CDH2: variants seen among roughly 807,000 people sequenced by gnomAD.
CDH2 encodes the protein cadherin-2.
A neutral mutation model predicts 92.0 loss-of-function variants in CDH2; 17 were observed. That is an observed-to-expected ratio of 0.18 (90% confidence interval 0.13 to 0.28). The LOEUF (loss-of-function observed/expected upper bound fraction) is 0.28. CDH2 is among the 10% of genes least tolerant of loss of function. CDH2 has a pLI of 1.00. For missense variants in CDH2, 862 were observed against 1,133.1 expected (o/e 0.76, Z 3.44); for synonymous variants, 419 against 415.9 (o/e 1.01, Z -0.09).
chr18:28,149,142 C>G (rs1344719281), intron 1 of CDH2, among the ~76,000 whole-genome samples: 1 of 152,076 alleles, frequency 6.6e-6, no homozygotes, highest in African/African-American at 2.4e-5. Context: ...TATATTTTGG[C>G]AAACTCTAGT....
intron 14 of CDH2, among the ~76,000 whole-genome samples, chr18:27,969,031 G>A (rs781771834): frequency 2.9e-4 from 44 of 152,222 alleles, no homozygotes; most frequent in Non-Finnish European, 5.6e-4. Context: ...AAATATACCC[G>A]TGCAAGCTTT....
At chr18:28,018,451 T>C (rs2144049972) in intron 2 of CDH2, among the ~76,000 whole-genome samples, 1 of 151,892 alleles carries the variant, frequency 6.6e-6, no homozygotes, top group Non-Finnish European at 1.5e-5. Context: ...CTAAGCAAAA[T>C]GAACAAATCT....
intron 2 of CDH2, among the ~76,000 whole-genome samples, chr18:28,057,784 G>A (rs1467334039): frequency 6.6e-6 from 1 of 152,148 alleles, no homozygotes; most frequent in Non-Finnish European, 1.5e-5. Flanking sequence ...AATCGAAGTT[G>A]GTATTTAAGA....
At chr18:28,023,252 C>G (rs2013458479) in intron 2 of CDH2, among the ~76,000 whole-genome samples, 1 of 152,190 alleles carries the variant, frequency 6.6e-6, no homozygotes, top group South Asian at 2.1e-4. Context: ...ATGTTTACAC[C>G]TTCATATCAT....
At chr18:28,018,873 TTATATA>T (rs56721321) in intron 2 of CDH2, among the ~76,000 whole-genome samples, 9 of 146,290 alleles carry the variant, frequency 6.2e-5, no homozygotes, top group African/African-American at 2.0e-4. Flanking sequence ...GCACACACGT[TTATATA>T]TATATATATA....
chr18:28,083,721 G>A (rs1341062171), intron 2 of CDH2, among the ~76,000 whole-genome samples: 1 of 152,114 alleles, frequency 6.6e-6, no homozygotes, highest in Non-Finnish European at 1.5e-5. Context: ...GGATTTTAAG[G>A]TCGATTGAAA....
rs199937130 is a variant in CDH2, at chr18:27,983,051, G to T, written c.2242C>A (p.Arg748Ser). ...TTGGCCTGGCGTTCTTTATCCCGGC[G>T]TTTCATCCATACCACAAACATCAGC... ...LVLMFVVWMK[R>S]RDKERQAKQL... Residue 748 changes from arginine to serine, a missense_variant, in exon 14 of 16, where the codon CGC becomes AGC. Transcript: ENST00000269141. The T allele has an allele frequency of 6.2e-7, 1 of 1,612,298 alleles. No individual in the cohort carries two copies. The highest frequency in any genetic ancestry group is 8.5e-7 in the Non-Finnish European group (1 of 1,178,800).
intron 6 of CDH2, among the ~76,000 whole-genome samples, chr18:27,940,896 G>T (rs1047727949): frequency 1.3e-5 from 2 of 152,036 alleles, no homozygotes; most frequent in Non-Finnish European, 2.9e-5. Context: ...TGGAACAAAA[G>T]AACAAATGAA....
chr18:28,122,050 C>A (rs1598490147), intron 2 of CDH2, among the ~76,000 whole-genome samples: 1 of 152,020 alleles, frequency 6.6e-6, no homozygotes, highest in Non-Finnish European at 1.5e-5. Flanking sequence ...TGGTGGTACT[C>A]GCATTCTTCT....
intron 2 of CDH2, among the ~76,000 whole-genome samples, chr18:28,132,379 TTC>T (rs1183518095): frequency 6.6e-6 from 1 of 152,224 alleles, no homozygotes; most frequent in Non-Finnish European, 1.5e-5. Context: ...GTTTCTTTCC[TTC>T]TCTCCACTCT....
intron 2 of CDH2, among the ~76,000 whole-genome samples, chr18:28,048,511 T>C (rs531788074): frequency 3.9e-5 from 6 of 152,336 alleles, no homozygotes; most frequent in African/African-American, 1.4e-4. Context: ...CTGTATTCGA[T>C]ACGTTTTTGA....
chr18:27,958,229 C>T (rs1002835978), intron 15 of CDH2, among the ~76,000 whole-genome samples: 2 of 151,916 alleles, frequency 1.3e-5, no homozygotes, highest in African/African-American at 2.4e-5. Context: ...TTCTATAAGA[C>T]CATAATGAGA....
chr18:28,123,268 G>T (rs899391893), intron 2 of CDH2, among the ~76,000 whole-genome samples: 2 of 152,124 alleles, frequency 1.3e-5, no homozygotes, highest in Admixed American at 1.3e-4. Context: ...GCATACAAAT[G>T]TATCTGTAGT....
intron 2 of CDH2, among the ~76,000 whole-genome samples, chr18:28,096,236 G>A (rs904634641): frequency 5.3e-5 from 8 of 152,184 alleles, no homozygotes; most frequent in Admixed American, 6.5e-5. Context: ...CTGTGACAAA[G>A]GAAAGGCTTT....
intron 1 of CDH2, among the ~76,000 whole-genome samples, chr18:28,167,589 CAAAT>C (rs1394194561): frequency 6.6e-6 from 1 of 152,000 alleles, no homozygotes; most frequent in Non-Finnish European, 1.5e-5. Context: ...TGTTGGAAGT[CAAAT>C]AAATAGTTAC....
chr18:28,161,541 C>T (rs1429651479), intron 1 of CDH2, among the ~76,000 whole-genome samples: 2 of 147,868 alleles, frequency 1.4e-5, no homozygotes, highest in Non-Finnish European at 3.0e-5. Context: ...GACTGCATCA[C>T]TGCACTCCAG....
intron 2 of CDH2, among the ~76,000 whole-genome samples, chr18:28,137,673 A>G (rs1301167608): frequency 6.6e-6 from 1 of 152,112 alleles, no homozygotes; most frequent in African/African-American, 2.4e-5. Context: ...AGTTTAGGAG[A>G]CAACCCTTTA....
chr18:28,096,490 C>A (rs928954099), intron 2 of CDH2, among the ~76,000 whole-genome samples: 1 of 149,712 alleles, frequency 6.7e-6, no homozygotes, highest in Non-Finnish European at 1.5e-5. Context: ...ATTTCTGGAA[C>A]GCAATATGAA....
At chr18:28,038,036 C>A (rs1339792154) in intron 2 of CDH2, among the ~76,000 whole-genome samples, 1 of 152,120 alleles carries the variant, frequency 6.6e-6, no homozygotes, top group Non-Finnish European at 1.5e-5. Context: ...ATCTTGTTGA[C>A]TTGGGAAAAG....
Sources: allele counts gnomAD v4.1 joint callset (sites outside exome capture counted in the v4.1 genomes callset), GRCh38; gene constraint gnomAD v4.1.1; transcripts MANE v1.5; gene names NCBI Gene and HGNC (gene_info 2026-07-23, HGNC 2026-07-21).